MACROD2: variants seen among roughly 807,000 people sequenced by gnomAD.
MACROD2 encodes the protein ADP-ribose glycohydrolase MACROD2.
MACROD2 carries 36 observed loss-of-function variants against 70.4 expected under a neutral mutation model. The ratio of observed to expected loss-of-function variants is 0.51; its 90% CI spans 0.39 to 0.68. MACROD2 has a LOEUF of 0.68. Among genes scored for constraint, MACROD2 ranks in the 30% least tolerant of loss-of-function variants. MACROD2 has a pLI of 0.00. For synonymous variants in MACROD2, 172 were observed against 178.8 expected (o/e 0.96, Z 0.30); for missense variants, 496 against 538.4 (o/e 0.92, Z 0.78).
chr20:14,419,044 A>AT (rs201848204), intron 3 of MACROD2, among the ~76,000 whole-genome samples: 113 of 148,672 alleles, frequency 7.6e-4, no homozygotes, highest in Non-Finnish European at 9.4e-4. Flanking sequence ...CAGTCTTAGG[A>AT]TTTTTTTTGT....
At chr20:15,200,377 A>G (rs1381128219) in intron 5 of MACROD2, among the ~76,000 whole-genome samples, 1 of 152,132 alleles carries the variant, frequency 6.6e-6, no homozygotes, top group African/African-American at 2.4e-5. Context: ...CTGTCACCCA[A>G]TTACCTCATT....
rs527508760 is a variant in MACROD2, at chr20:15,228,487, C to CTTTT, written c.419-1437_419-1434dup. On this transcript the variant is annotated intron_variant, in intron 5 of 17. Coordinates refer to ENST00000684519, the MANE Select transcript of MACROD2 (RefSeq NM_001351661.2). ...TTTTTCTTTTCTTTTTTCCTTCTTT[C>CTTTT]TTTTTTTTTTTTTTTTTTTGAGATG... 2.0e-3 allele frequency among the ~76,000 whole-genome samples: 236 copies of CTTTT among 117,946 alleles called. 4 individuals carry two copies. The highest frequency in any genetic ancestry group is 4.3e-3 in the African/African-American group (131 of 30,722). 77.4% of individuals were successfully genotyped at this position (117,946 alleles called of 152,430 possible). A position where few individuals can be genotyped will look rare whatever the true frequency, so the allele number is the denominator to read the frequency against.
intron 8 of MACROD2, among the ~76,000 whole-genome samples, chr20:15,729,866 T>G (rs1482238062): frequency 5.2e-5 from 5 of 95,962 alleles, no homozygotes; most frequent in Non-Finnish European, 1.0e-4. Context: ...TTCACTCTTG[T>G]CGCCCAGGCT....
At chr20:14,832,410 G>A (rs386117) in intron 5 of MACROD2, among the ~76,000 whole-genome samples, 14,574 of 151,870 alleles carry the variant, frequency 0.096, 957 homozygotes, top group Non-Finnish European at 0.14. Context: ...GTACAGAGGA[G>A]GGGAGAAGAG....
intron 8 of MACROD2, among the ~76,000 whole-genome samples, chr20:15,737,825 G>A (rs77029986): frequency 0.019 from 2,953 of 152,182 alleles, 75 homozygotes; most frequent in Admixed American, 0.071. Flanking sequence ...ATAGACATAT[G>A]TAATGGACTG....
intron 4 of MACROD2, among the ~76,000 whole-genome samples, chr20:14,646,952 G>C (rs975899799): frequency 5.3e-5 from 8 of 152,082 alleles, no homozygotes; most frequent in African/African-American, 1.9e-4. Context: ...TTTGTTGTTA[G>C]CTGAGAGGTG....
chr20:15,913,598 G>A (rs1044318785), intron 10 of MACROD2, among the ~76,000 whole-genome samples: 3 of 152,184 alleles, frequency 2.0e-5, no homozygotes, highest in African/African-American at 7.2e-5. Flanking sequence ...AGTTTGGAAT[G>A]TGCTTGTTTG....
rs2050114781 is a variant in MACROD2 at position 15,678,755 on chromosome 20, G to A, written c.645+178908G>A. ...AGCCTAACTGAGAGAGAGAAAGGAAGGTATGGCAGGATGGGAGTGTAGTGG... is the reference window on the plus strand; with the variant it reads ...AGCCTAACTGAGAGAGAGAAAGGAAAGTATGGCAGGATGGGAGTGTAGTGG... On this transcript the variant is annotated intron_variant, in intron 8 of 17. Coordinates refer to ENST00000684519, the MANE Select transcript of MACROD2 (RefSeq NM_001351661.2). 2.6e-5 allele frequency among the ~76,000 whole-genome samples: 4 copies of A among 152,166 alleles called. No homozygotes were observed. In the South Asian group the frequency reaches 8.3e-4, roughly 32 times the overall value.
At chr20:15,832,917 G>A (rs2064072740) in intron 8 of MACROD2, among the ~76,000 whole-genome samples, 1 of 152,178 alleles carries the variant, frequency 6.6e-6, no homozygotes, top group Non-Finnish European at 1.5e-5. Context: ...CAATTCTGAT[G>A]GAAGGAAGAT....
chr20:15,583,982 C>T (rs6074921), intron 8 of MACROD2, among the ~76,000 whole-genome samples: 2 of 152,206 alleles, frequency 1.3e-5, no homozygotes, highest in Admixed American at 1.3e-4. Context: ...CCAAACACAC[C>T]TTGTGGAAGA....
intron 7 of MACROD2, among the ~76,000 whole-genome samples, chr20:15,459,222 T>A (rs1191703050): frequency 1.3e-5 from 2 of 152,200 alleles, no homozygotes; most frequent in African/African-American, 4.8e-5. Context: ...AAATCTCTTT[T>A]AGCTGCAGCC....
intron 2 of MACROD2, among the ~76,000 whole-genome samples, chr20:14,026,995 T>A (rs2053177217): frequency 6.6e-6 from 1 of 152,212 alleles, no homozygotes; most frequent in Non-Finnish European, 1.5e-5. Context: ...CCCTTGTGCC[T>A]CCTGACTAGG....
At chr20:15,614,394 AT>A (rs1168942860) in intron 8 of MACROD2, among the ~76,000 whole-genome samples, 2 of 151,988 alleles carry the variant, frequency 1.3e-5, no homozygotes, top group Admixed American at 6.5e-5. Context: ...TAAAACACAT[AT>A]TTTTTTCCAC....
chr20:14,112,336 G>A (rs1045351431), intron 3 of MACROD2, among the ~76,000 whole-genome samples: 1 of 151,916 alleles, frequency 6.6e-6, no homozygotes, highest in Admixed American at 6.6e-5. Context: ...TAGTAATTTA[G>A]TGGCACATTT....
Position 14,195,654 on chromosome 20 carries a change from G to T in MACROD2, c.271+109926G>T, listed in dbSNP as rs368758037. On this transcript the variant is annotated intron_variant, in intron 3 of 17. Coordinates refer to ENST00000684519, the MANE Select transcript of MACROD2 (RefSeq NM_001351661.2). ...GAACACATCAGAAGTAGACAGAAGTGGCTGGACATTGAGAGGACATTGAGG... is the reference window on the plus strand; with the variant it reads ...GAACACATCAGAAGTAGACAGAAGTTGCTGGACATTGAGAGGACATTGAGG... 2.0e-4 allele frequency among the ~76,000 whole-genome samples: 30 copies of T among 152,108 alleles called. No homozygotes were observed. In the South Asian group the frequency reaches 6.0e-3, roughly 31 times the overall value.
In MACROD2 at chr20:14,469,973, G is replaced by T. The variant is rs889423726; in HGVS notation, c.272-23506G>T. Among the ~76,000 whole-genome samples the T allele has an allele frequency of 2.0e-5, 3 of 152,090 alleles. No homozygotes were observed. The East Asian group carries it at 5.9e-4, about 30-fold the overall frequency. On this transcript the variant is annotated intron_variant, in intron 3 of 17. Coordinates refer to ENST00000684519, the MANE Select transcript of MACROD2 (RefSeq NM_001351661.2). Reference sequence around the variant, plus strand: ...CTCCATCCAGTTTTGTTCCCTTGCTGGTGAGGAGTTGTAATCCTTTGGAGG... The same window carrying T: ...CTCCATCCAGTTTTGTTCCCTTGCTTGTGAGGAGTTGTAATCCTTTGGAGG...
intron 6 of MACROD2, among the ~76,000 whole-genome samples, chr20:15,235,824 G>A (rs1429786997): frequency 6.6e-6 from 1 of 152,168 alleles, no homozygotes; most frequent in Non-Finnish European, 1.5e-5. Context: ...TGCCTAACTT[G>A]ATGTCACCAT....
At chr20:15,275,493 CAT>C (rs1228317641) in intron 6 of MACROD2, among the ~76,000 whole-genome samples, 3 of 152,156 alleles carry the variant, frequency 2.0e-5, no homozygotes, top group Non-Finnish European at 4.4e-5. Context: ...ACCCGGTAAA[CAT>C]ATAGTGGTAG....
chr20:15,157,459 C>A (rs1324942766), intron 5 of MACROD2, among the ~76,000 whole-genome samples: 1 of 25,228 alleles, frequency 4.0e-5, no homozygotes, highest in African/African-American at 1.4e-4. Context: ...AGGCATTCAG[C>A]CATAAAAATG....
Sources: gnomAD v4.1 joint callset for allele counts (sites outside exome capture counted in the v4.1 genomes callset) on GRCh38, gnomAD v4.1.1 for gene constraint, MANE v1.5 for transcripts, NCBI Gene and HGNC (gene_info 2026-07-23, HGNC 2026-07-21) for gene names.